Variants in SPATA16 observed in about 807,000 individuals in gnomAD.
The protein encoded by SPATA16 is spermatogenesis associated 16, also known as spermatogenesis-associated protein 16.
A neutral mutation model predicts 63.3 loss-of-function variants in SPATA16; 36 were observed. The ratio of observed to expected loss-of-function variants is 0.57; its 90% CI spans 0.44 to 0.75. The LOEUF (loss-of-function observed/expected upper bound fraction) is 0.75, where lower values mean the gene tolerates loss of function less well. Ranked by LOEUF, SPATA16 falls within the 30% of genes least tolerant of loss-of-function variation. SPATA16 has a pLI of 0.00. For missense variants in SPATA16, 646 were observed against 679.3 expected, an observed-to-expected ratio of 0.95 and a Z score of 0.54; for synonymous variants, 203 against 216.7, an observed-to-expected ratio of 0.94 and a Z score of 0.56.
intron 10 of SPATA16, among the ~76,000 whole-genome samples, chr3:172,910,108 T>G (rs1452747809): frequency 3.3e-5 from 5 of 150,768 alleles, no homozygotes; most frequent in Non-Finnish European, 7.4e-5. Context: ...TTTTTTTTTT[T>G]TTTGAGACAG....
chr3:172,902,843 C>T (rs1732150529), intron 10 of SPATA16, among the ~76,000 whole-genome samples: 1 of 152,194 alleles, frequency 6.6e-6, no homozygotes, highest in Non-Finnish European at 1.5e-5. Flanking sequence ...CCAGTCTTGT[C>T]CCCTTCTCCA....
intron 6 of SPATA16, among the ~76,000 whole-genome samples, chr3:172,928,212 G>A (rs1732785532): frequency 1.3e-5 from 2 of 152,166 alleles, no homozygotes; most frequent in African/African-American, 4.8e-5. Context: ...CCTAGCCTTA[G>A]ATGCTTCTTT....
At chr3:172,891,281 T>C (rs1016664849) in intron 10 of SPATA16, among the ~76,000 whole-genome samples, 3 of 152,186 alleles carry the variant, frequency 2.0e-5, no homozygotes, top group African/African-American at 7.2e-5. Context: ...TTTTTAAATA[T>C]CCATTAGGTA....
At chr3:172,915,862 C>T (rs1732471674) in intron 9 of SPATA16, among the ~76,000 whole-genome samples, 1 of 152,074 alleles carries the variant, frequency 6.6e-6, no homozygotes, top group African/African-American at 2.4e-5. Flanking sequence ...GTTGGCACTG[C>T]CAATATCTAT....
chr3:172,893,426 CA>C (rs1277051490), intron 10 of SPATA16, among the ~76,000 whole-genome samples: 2 of 152,144 alleles, frequency 1.3e-5, no homozygotes, highest in African/African-American at 4.8e-5. Flanking sequence ...AGGGGAGAGG[CA>C]GGGAACAGTT....
At chr3:172,917,328 T>G (rs1577088485) in intron 8 of SPATA16, among the ~76,000 whole-genome samples, 1 of 152,310 alleles carries the variant, frequency 6.6e-6, no homozygotes, top group South Asian at 2.1e-4. Context: ...ACTTTTGATT[T>G]GGGGGTATAT....
At chr3:173,060,736 A>G (rs1288026697) in intron 2 of SPATA16, among the ~76,000 whole-genome samples, 3 of 152,186 alleles carry the variant, frequency 2.0e-5, no homozygotes, top group African/African-American at 2.4e-5. Context: ...TGTTAAATAG[A>G]AGGTTCTCTG....
At chr3:173,063,177 G>T (rs6445096) in intron 2 of SPATA16, among the ~76,000 whole-genome samples, 2 of 151,960 alleles carry the variant, frequency 1.3e-5, no homozygotes, top group African/African-American at 4.8e-5. Context: ...TATCACTAGA[G>T]TAGCATTGAG....
chr3:172,969,520 T>C (rs1308207010), intron 5 of SPATA16, among the ~76,000 whole-genome samples: 2 of 152,172 alleles, frequency 1.3e-5, no homozygotes, highest in Non-Finnish European at 2.9e-5. Context: ...ATACAGTTTT[T>C]AGTATCCCAC....
intron 6 of SPATA16, among the ~76,000 whole-genome samples, chr3:172,940,762 G>A (rs1035744975): frequency 2.6e-5 from 4 of 152,060 alleles, no homozygotes; most frequent in Admixed American, 1.3e-4. Context: ...TGAGGCAGGC[G>A]GATTGTCTGA....
chr3:172,941,480 A>G (rs1316877254), intron 6 of SPATA16, among the ~76,000 whole-genome samples: 1 of 152,224 alleles, frequency 6.6e-6, no homozygotes, highest in African/African-American at 2.4e-5. Flanking sequence ...CTACAAAGGA[A>G]TGAGATCTGA....
chr3:173,089,321 G>T (rs1289986439), intron 2 of SPATA16, among the ~76,000 whole-genome samples: 2 of 152,202 alleles, frequency 1.3e-5, no homozygotes, highest in Non-Finnish European at 1.5e-5. Flanking sequence ...TCCTCCAGAG[G>T]CAGGAGGCCA....
chr3:173,010,069 CG>C (rs1300265836), intron 4 of SPATA16, among the ~76,000 whole-genome samples: 1 of 152,058 alleles, frequency 6.6e-6, no homozygotes, highest in Non-Finnish European at 1.5e-5. Flanking sequence ...TCGACTGCCA[CG>C]CAGGAAAAGG....
chr3:173,109,295 A>G (rs2108330751), intron 2 of SPATA16, among the ~76,000 whole-genome samples: 1 of 152,192 alleles, frequency 6.6e-6, no homozygotes, highest in Non-Finnish European at 1.5e-5. Context: ...TACAAATAGG[A>G]ACTGTGGCTC....
At chr3:172,911,261 G>A (rs779564670) in intron 10 of SPATA16, among the ~76,000 whole-genome samples, 5 of 152,088 alleles carry the variant, frequency 3.3e-5, no homozygotes, top group African/African-American at 1.2e-4. Flanking sequence ...CCATAGCACC[G>A]GTGGGTCAGT....
chr3:173,031,741 T>G (rs1735612775), intron 3 of SPATA16, among the ~76,000 whole-genome samples: 2 of 152,048 alleles, frequency 1.3e-5, no homozygotes, highest in African/African-American at 4.8e-5. Flanking sequence ...TCAATTGACT[T>G]GCTACAAAAG....
At chr3:172,894,504 AAG>A (rs201945850) in intron 10 of SPATA16, among the ~76,000 whole-genome samples, 21 of 139,810 alleles carry the variant, frequency 1.5e-4, no homozygotes, top group Middle Eastern at 3.8e-3. Flanking sequence ...AAAAAAAAAA[AAG>A]CCAAACTATA....
chr3:172,978,334 G>A (rs1158714946), intron 4 of SPATA16, among the ~76,000 whole-genome samples: 2 of 151,982 alleles, frequency 1.3e-5, no homozygotes, highest in African/African-American at 4.8e-5. Flanking sequence ...AATATGAATG[G>A]GACAGAAACA....
At chr3:173,035,723 G>C (rs1436960775) in intron 3 of SPATA16, among the ~76,000 whole-genome samples, 1 of 152,072 alleles carries the variant, frequency 6.6e-6, no homozygotes, top group Admixed American at 6.6e-5. Flanking sequence ...GGTTCTCAAC[G>C]TGCAGCCTGC....
Sources: gnomAD v4.1 joint callset for allele counts (sites outside exome capture counted in the v4.1 genomes callset) on GRCh38, gnomAD v4.1.1 for gene constraint, MANE v1.5 for transcripts, NCBI Gene and HGNC (gene_info 2026-07-23, HGNC 2026-07-21) for gene names.